Variants in XKR6 observed in about 807,000 individuals in gnomAD.
XKR6 encodes XK related 6.
A neutral mutation model predicts 56.7 loss-of-function variants in XKR6; 22 were observed. The observed-to-expected ratio is 0.39, with a 90% CI of 0.28 to 0.55. XKR6 has a LOEUF of 0.55. Ranked by LOEUF, XKR6 falls within the 20% of genes least tolerant of loss-of-function variation. The pLI, the probability that XKR6 is intolerant of heterozygous loss-of-function variation, is 0.66. For synonymous variants in XKR6, 524 were observed against 387.8 expected, an observed-to-expected ratio of 1.35 and a Z score of -4.13; for missense variants, 852 against 889.0, an observed-to-expected ratio of 0.96 and a Z score of 0.53.
Position 11,161,119 on chromosome 8 carries a change from T to C in XKR6, c.764+39457A>G, listed in dbSNP as rs1380120783. On this transcript the variant is annotated intron_variant, in intron 1 of 2. Coordinates refer to ENST00000416569, the MANE Select transcript of XKR6 (RefSeq NM_173683.4). ...TTAAAACATCCAGTCAAATCAAAAC[T>C]GCCAACAGGAACTGATCTAGGCAGA... 2.6e-5 allele frequency among the ~76,000 whole-genome samples: 4 copies of C among 152,148 alleles called. No individual in the cohort carries two copies. The East Asian group carries it at 7.7e-4, about 29-fold the overall frequency.
intron 1 of XKR6, among the ~76,000 whole-genome samples, chr8:11,047,354 A>C (rs1225433499): frequency 6.6e-6 from 1 of 152,232 alleles, no homozygotes; most frequent in Non-Finnish European, 1.5e-5. Flanking sequence ...AGATATGTTA[A>C]GAATATTTTA....
chr8:11,129,819 T>A (rs1282383525), intron 1 of XKR6, among the ~76,000 whole-genome samples: 3 of 152,166 alleles, frequency 2.0e-5, no homozygotes, highest in Admixed American at 6.5e-5. Context: ...TAAAGCATAA[T>A]CCTTTCCATT....
chr8:10,923,402 G>C (rs1340932104), intron 2 of XKR6, among the ~76,000 whole-genome samples: 1 of 151,910 alleles, frequency 6.6e-6, no homozygotes, highest in Non-Finnish European at 1.5e-5. Context: ...GGGACATGAG[G>C]CTTCACCTGA....
chr8:11,130,215 T>G (rs1047018376), intron 1 of XKR6, among the ~76,000 whole-genome samples: 1 of 152,150 alleles, frequency 6.6e-6, no homozygotes. Flanking sequence ...TTAAGATGTG[T>G]GCACTCAGTT....
chr8:10,945,220 A>T (rs1203199644), intron 1 of XKR6, among the ~76,000 whole-genome samples: 1 of 152,232 alleles, frequency 6.6e-6, no homozygotes, highest in Non-Finnish European at 1.5e-5. Context: ...ACGGTGGCTC[A>T]TACCTGCAGT....
rs1255802708 is a variant in XKR6, at chr8:11,191,704, A to AGG, written c.764+8871_764+8872insCC. On this transcript the variant is annotated intron_variant, in intron 1 of 2. Coordinates refer to ENST00000416569, the MANE Select transcript of XKR6 (RefSeq NM_173683.4). ...TGGAAAAAAGTCAATGTCATGAGAA[A>AGG]AAAAAAAAAAAAACAGAGAGGGACT... 3.1e-3 allele frequency among the ~76,000 whole-genome samples: 453 copies of AGG among 148,372 alleles called. 8 individuals are homozygous for AGG. The highest frequency in any genetic ancestry group is 0.019 in the South Asian group (90 of 4,784).
At chr8:11,166,892 G>C (rs1369214469) in intron 1 of XKR6, among the ~76,000 whole-genome samples, 2 of 152,104 alleles carry the variant, frequency 1.3e-5, no homozygotes, top group African/African-American at 4.8e-5. Flanking sequence ...ACATTTAATA[G>C]GGAAAATATT....
At chr8:11,146,515 G>C (rs903815491) in intron 1 of XKR6, among the ~76,000 whole-genome samples, 1 of 151,954 alleles carries the variant, frequency 6.6e-6, no homozygotes, top group Non-Finnish European at 1.5e-5. Flanking sequence ...TGTATTCCCA[G>C]CTATGTGGAA....
rs549869393 is a variant in XKR6, at chr8:10,976,249, A to G, written c.765-51419T>C. On this transcript the variant is annotated intron_variant, in intron 1 of 2. Transcript: ENST00000416569. ...AGGGTTTAGTGGGGTCATTAGCAGA[A>G]AAGTCTATTTGTTGAATGAGTGACT... Among the ~76,000 whole-genome samples the G allele has an allele frequency of 5.9e-5, 9 of 152,178 alleles. No individual in the cohort carries two copies. In the East Asian group the frequency reaches 1.4e-3, roughly 23 times the overall value.
intron 1 of XKR6, among the ~76,000 whole-genome samples, chr8:11,178,368 T>C (rs1254057243): frequency 1.3e-5 from 2 of 151,490 alleles, no homozygotes; most frequent in Non-Finnish European, 2.9e-5. Context: ...ATCTCATGAG[T>C]CTTATGTGGC....
At chr8:10,910,640 T>C (rs1015055957) in intron 2 of XKR6, among the ~76,000 whole-genome samples, 4 of 152,158 alleles carry the variant, frequency 2.6e-5, no homozygotes, top group African/African-American at 9.7e-5. Flanking sequence ...TCTGGGAATA[T>C]GGTGGACAAC....
chr8:11,165,659 G>A (rs1802036872), intron 1 of XKR6, among the ~76,000 whole-genome samples: 1 of 152,054 alleles, frequency 6.6e-6, no homozygotes, highest in Admixed American at 6.5e-5. Flanking sequence ...CTCTTAGACT[G>A]TACTCCTGAA....
Position 10,984,732 on chromosome 8 carries a change from C to CTCTATATATA in XKR6, c.765-59903_765-59902insTATATATAGA. Among the ~76,000 whole-genome samples, 189 of 47,480 alleles carry CTCTATATATA rather than the reference C, an allele frequency of 4.0e-3. 7 individuals carry two copies. Among genetic ancestry groups the CTCTATATATA allele is most frequent in the African/African-American group, 0.01 (113 of 11,096 alleles). 31.1% of individuals were successfully genotyped at this position (47,480 alleles called of 152,430 possible). A position where few individuals can be genotyped will look rare whatever the true frequency, so the allele number is the denominator to read the frequency against. On this transcript the variant is annotated intron_variant, in intron 1 of 2. Coordinates refer to ENST00000416569, the MANE Select transcript of XKR6 (RefSeq NM_173683.4). ...TCTCTCTCTCTCTCTCTCTCTCTCT[C>CTCTATATATA]TATATATATATATATATATATATAT...
intron 1 of XKR6, among the ~76,000 whole-genome samples, chr8:10,944,148 A>C (rs73196840): frequency 0.3 from 45,263 of 152,000 alleles, 7,779 homozygotes; most frequent in Non-Finnish European, 0.4. Flanking sequence ...AGAGTGCACT[A>C]AACTGAGTTT....
chr8:11,003,998 C>T (rs1798306700), intron 1 of XKR6, among the ~76,000 whole-genome samples: 1 of 152,104 alleles, frequency 6.6e-6, no homozygotes, highest in African/African-American at 2.4e-5. Context: ...GGGCGGGTGG[C>T]TGTGGAGTAG....
intron 1 of XKR6, chr8:11,109,381 A>G (rs936416138): frequency 3.9e-5 from 6 of 152,320 alleles, no homozygotes; most frequent in African/African-American, 1.4e-4. Flanking sequence ...AGCTAAGTTA[A>G]TCTTTGAGCC....
Position 11,060,764 on chromosome 8 carries a change from T to G in XKR6, c.765-135934A>C, listed in dbSNP as rs560062412. The stretch of plus-strand genomic sequence containing the variant: ...CTCTGGCAATTCATCCAATAAATAC[T>G]TATTACATCCTGCCCTGCACTGGGC... On this transcript the variant is annotated intron_variant, in intron 1 of 2. Transcript: ENST00000416569. Among the ~76,000 whole-genome samples, 67 of 152,338 alleles carry G rather than the reference T, an allele frequency of 4.4e-4. 2 individuals carry two copies. The highest frequency in any genetic ancestry group is 1.5e-3 in the African/African-American group (64 of 41,572).
At chr8:11,091,878 C>G (rs1022811202) in intron 1 of XKR6, among the ~76,000 whole-genome samples, 2 of 152,200 alleles carry the variant, frequency 1.3e-5, no homozygotes, top group East Asian at 3.8e-4. Context: ...ACACCCAGCA[C>G]AATGCCAAGG....
intron 1 of XKR6, among the ~76,000 whole-genome samples, chr8:10,937,329 C>A (rs1801234540): frequency 6.8e-6 from 1 of 146,844 alleles, no homozygotes; most frequent in Admixed American, 6.8e-5. Flanking sequence ...TTTTCAACTT[C>A]TTTGCCTTTG....
Sources: gnomAD v4.1 joint callset for allele counts (sites outside exome capture counted in the v4.1 genomes callset) on GRCh38, gnomAD v4.1.1 for gene constraint, MANE v1.5 for transcripts, NCBI Gene and HGNC (gene_info 2026-07-23, HGNC 2026-07-21) for gene names.